AARS2: variants seen among roughly 807,000 people sequenced by gnomAD.
The protein encoded by AARS2 is alanyl-tRNA synthetase 2, mitochondrial.
A neutral mutation model predicts 119.7 loss-of-function variants in AARS2; 78 were observed. The ratio of observed to expected loss-of-function variants is 0.65; its 90% CI spans 0.54 to 0.79. The LOEUF (loss-of-function observed/expected upper bound fraction) is 0.79, where lower values mean the gene tolerates loss of function less well. AARS2 is among the 30% of genes least tolerant of loss of function. The probability of loss-of-function intolerance (pLI) is 0.00; values close to 1 mark genes in which losing one functional copy is unlikely to be tolerated. For synonymous variants in AARS2, 502 were observed against 526.3 expected (o/e 0.95, Z 0.63); for missense variants, 1,157 against 1,291.3 (o/e 0.90, Z 1.59).
At chr6:44,311,653 A>G in intron 2 of AARS2, 118 bp from the exon 3 acceptor site, 1 of 1,256,918 alleles carries the variant, frequency 8.0e-7, no homozygotes, top group Non-Finnish European at 1.1e-6. Flanking sequence ...TTCTGCTGCC[A>G]TCTTGTTCCC....
chr6:44,302,461 CG>C lies in AARS2; in HGVS notation c.2416del (p.Arg806GlyfsTer2). On this transcript the variant is annotated frameshift_variant, in exon 18 of 22. Coordinates refer to ENST00000244571, the MANE Select transcript of AARS2 (RefSeq NM_020745.4). LOFTEE classifies it high-confidence loss of function. ...LAQEVKAATE[R>X]LSLGSRDVAE... ...CACATCCCGGCTCCCCAGACTCAGC[CG>C]CTCAGTGGCCGCTTTCACTTCCTGG... The C allele has an allele frequency of 6.2e-7, 1 of 1,614,148 alleles. No individual in the cohort carries two copies. Among genetic ancestry groups the C allele is most frequent in the Non-Finnish European group, 8.5e-7 (1 of 1,180,028 alleles).
Position 44,304,525 on chromosome 6 carries a change from C to T in AARS2, c.1761G>A (p.Leu587=), listed in dbSNP as rs1785659923. The T allele has an allele frequency of 3.1e-6, 5 of 1,614,156 alleles. No homozygotes were observed. In the South Asian group the frequency reaches 4.4e-5, roughly 14 times the overall value. Residue 587 remains leucine, a synonymous_variant, in exon 13 of 22, where the codon CTG becomes CTA. Transcript: ENST00000244571. Reference sequence around the variant, plus strand: ...AGACCTGGGCCCGGGCTACTGGGAACAGCACGTCCTGAGGGAGGGTAGTGG... The same window carrying T: ...AGACCTGGGCCCGGGCTACTGGGAATAGCACGTCCTGAGGGAGGGTAGTGG... ...YLVRAGQEDV[L]FPVARAQVCG... is the part of the protein sequence containing the mutation.
At chr6:44,304,863 A>C (rs1191299670) in intron 11 of AARS2, 46 bp from the exon 12 acceptor site, 1 of 1,613,038 alleles carries the variant, frequency 6.2e-7, no homozygotes, top group Non-Finnish European at 8.5e-7. Flanking sequence ...GGGGCTGGGG[A>C]CGTGAAGGTG....
intron 1 of AARS2, among the ~76,000 whole-genome samples, chr6:44,312,605 G>T (rs192053357): frequency 6.6e-6 from 1 of 152,218 alleles, no homozygotes; most frequent in East Asian, 1.9e-4. Flanking sequence ...ATAACTTCAG[G>T]GAACAAAACT....
rs961891087 is a variant in AARS2, at chr6:44,299,830, C to G, written c.*717G>C. On this transcript the variant is annotated 3_prime_UTR_variant, in exon 22 of 22. Coordinates refer to ENST00000244571, the MANE Select transcript of AARS2 (RefSeq NM_020745.4). ...GCCCACTGTTGCCTGGCACGCAGAG[C>G]CTGTCCGAACACTCATGGCAATGAA... The G allele has an allele frequency of 2.0e-5, 3 of 152,570 alleles. No homozygotes were observed. The highest frequency in any genetic ancestry group is 7.2e-5 in the African/African-American group (3 of 41,446). The allele number at this position is 152,570 out of a possible 1,614,324, so 9.5% of individuals were successfully genotyped here. A position where few individuals can be genotyped will look rare whatever the true frequency, so the allele number is the denominator to read the frequency against.
chr6:44,303,199 C>T lies in AARS2; in HGVS notation c.2146-24G>A, dbSNP rs325001. 0.54 allele frequency: 870,589 copies of T among 1,613,506 alleles called. 239,559 individuals carry two copies. The highest frequency in any genetic ancestry group is 0.62 in the Admixed American group (37,462 of 59,962). The stretch of plus-strand genomic sequence containing the variant: ...ACCTGAGGTCAAGAGGGGACAGGCC[C>T]GTTAACTGCCAAAGGAGAAGGATAA... On this transcript the variant is annotated intron_variant, in intron 15 of 21. Coordinates refer to ENST00000244571, the MANE Select transcript of AARS2 (RefSeq NM_020745.4).
In AARS2 at chr6:44,305,780, A is replaced by G; in HGVS notation, c.1307T>C (p.Val436Ala). 1 of 1,614,124 alleles carries G rather than the reference A, an allele frequency of 6.2e-7. No homozygotes were observed. Among genetic ancestry groups the G allele is most frequent in the Non-Finnish European group, 8.5e-7 (1 of 1,179,972 alleles). The change falls in exon 10 of 22, where the codon GTG (valine) becomes GCG (alanine). Residue 436 changes from valine (V) to alanine (A), a missense_variant. Physicochemically the swap from Val to Ala is moderately conservative, Grantham distance 64 (BLOSUM62 0). Transcript: ENST00000244571. This position sits in a 1 kb window ranked among gnomAD's most constrained non-coding sequence, Gnocchi z 4.6. ...LGPSDMFPAE[V>A]AWSLSLCGDL... ...TCCACACAGTGACAAGGACCAGGCC[A>G]CTTCAGCTTTGAGAAAGAAAGACAA...
intron 14 of AARS2, 95 bp from the exon 15 acceptor site, chr6:44,303,518 T>C: frequency 6.3e-7 from 1 of 1,579,560 alleles, no homozygotes; most frequent in South Asian, 1.1e-5. Context: ...CACTGAGCTA[T>C]CCCCAGGTTC....
At chr6:44,303,008 C>T in intron 16 of AARS2, 58 bp downstream of exon 16, 1 of 1,608,362 alleles carries the variant, frequency 6.2e-7, no homozygotes, top group Non-Finnish European at 8.5e-7. Flanking sequence ...CTCCAAAGAC[C>T]AAGGGAAGGG....
intron 5 of AARS2, 37 bp downstream of exon 5, chr6:44,310,259 GAGC>G (rs753124465): frequency 2.6e-6 from 4 of 1,561,630 alleles, no homozygotes; most frequent in African/African-American, 2.7e-5. Flanking sequence ...GGGCTGTGAA[GAGC>G]AGGTTAGAGG....
Position 44,311,472 on chromosome 6 carries a change from GC to G in AARS2, c.498del (p.Arg166SerfsTer26). 7.4e-6 allele frequency: 12 copies of G among 1,614,100 alleles called. No homozygotes were observed. The highest frequency in any genetic ancestry group is 1.0e-5 in the Non-Finnish European group (12 of 1,180,038). ...TCACCATCAAAGTAGGAGATCCAGAGCCTTTCCTCAGGGATCCCATAGACCT... is the reference window on the plus strand; with the variant it reads ...TCACCATCAAAGTAGGAGATCCAGAGCTTTCCTCAGGGATCCCATAGACCT... Reference protein sequence around the residue: ...LTQVYGIPEERLWISYFDGDP... With the variant: ...LTQVYGIPEEXLWISYFDGDP... On this transcript the variant is annotated frameshift_variant, in exon 3 of 22. Transcript: ENST00000244571. LOFTEE classifies it high-confidence loss of function.
At chr6:44,304,156 G>A in intron 14 of AARS2, 25 bp downstream of exon 14, 1 of 1,612,258 alleles carries the variant, frequency 6.2e-7, no homozygotes, top group Non-Finnish European at 8.5e-7. Flanking sequence ...CTCACATGAA[G>A]CCTGTCTTTC....
rs370586197 is a variant in AARS2, at chr6:44,301,231, C to G, written c.2718G>C (p.Gln906His). Residue 906 changes from glutamine (Q) to histidine (H), a missense_variant, in exon 21 of 22, where the codon CAG becomes CAC. By Grantham distance (24) the Gln-to-His change is conservative. Transcript: ENST00000244571. ...LVKVVRQLCEQAPSTSVLLLS... is the reference protein window; with the variant it reads ...LVKVVRQLCEHAPSTSVLLLS... ...GTAGGAGCACAGACGTGCTGGGGGCCTGCTCACACAGCTGCCGTACCACCT... is the reference window on the plus strand; with the variant it reads ...GTAGGAGCACAGACGTGCTGGGGGCGTGCTCACACAGCTGCCGTACCACCT... 7.4e-6 allele frequency: 12 copies of G among 1,613,732 alleles called. No individual in the cohort carries two copies. The African/African-American group carries it at 1.1e-4, about 14-fold the overall frequency.
chr6:44,305,524 C>G lies in AARS2; in HGVS notation c.1434+129G>C. 6.9e-7 allele frequency: 1 copy of G among 1,452,774 alleles called. No homozygotes were observed. The highest frequency in any genetic ancestry group is 1.2e-5 in the South Asian group (1 of 82,998). 90.0% of individuals were successfully genotyped at this position (1,452,774 alleles called of 1,614,324 possible). A position where few individuals can be genotyped will look rare whatever the true frequency, so the allele number is the denominator to read the frequency against. On this transcript the variant is annotated intron_variant, in intron 10 of 21. Transcript: ENST00000244571. The surrounding 1 kb of genome is among the most constrained non-coding windows in gnomAD (Gnocchi z 4.6). ...TGTGGCCTGAGGTTTTAGAAACCTC[C>G]CAGGTGAGGGGACAGATCCTATCTC...
rs775664448 is a variant in AARS2 at position 44,305,083 on chromosome 6, T to C, written c.1550A>G (p.Asn517Ser). Reference sequence around the variant, plus strand: ...ACTTCCGCTGGGTCGCAGGGAGTAGTTGTACTTGGGGCTGTCGTCAGTTGG... The same window carrying C: ...ACTTCCGCTGGGTCGCAGGGAGTAGCTGTACTTGGGGCTGTCGTCAGTTGG... ...VPPTDDSPKYNYSLRPSGSYE... is the reference protein window; with the variant it reads ...VPPTDDSPKYSYSLRPSGSYE... The change falls in exon 11 of 22, where the codon AAC becomes AGC. Residue 517 changes from asparagine (N) to serine (S), a missense_variant. By Grantham distance (46) the Asn-to-Ser change is conservative. Transcript: ENST00000244571. This position sits in a 1 kb window ranked among gnomAD's most constrained non-coding sequence, Gnocchi z 4.6. The C allele has an allele frequency of 1.2e-6, 2 of 1,614,008 alleles. No homozygotes were observed. Among genetic ancestry groups the C allele is most frequent in the African/African-American group, 1.3e-5 (1 of 74,942 alleles).
chr6:44,301,069 T>TTGTC lies in AARS2; in HGVS notation c.2793+86_2793+87insGACA, dbSNP rs10627820. 0.95 allele frequency: 1,171,170 copies of TTGTC among 1,230,110 alleles called. 560,699 individuals carry two copies. Among genetic ancestry groups the TTGTC allele is most frequent in the East Asian group, 1 (42,571 of 42,618 alleles). The allele number at this position is 1,230,110 out of a possible 1,614,324, so 76.2% of individuals were successfully genotyped here. A position where few individuals can be genotyped will look rare whatever the true frequency, so the allele number is the denominator to read the frequency against. ...ATACTTCCACCCAGCCTTGGCCCCT[T>TTGTC]TGGGAGGAATTAAAGGTGTAAAATC... On this transcript the variant is annotated intron_variant, in intron 21 of 21. Coordinates refer to ENST00000244571, the MANE Select transcript of AARS2 (RefSeq NM_020745.4).
chr6:44,304,963 A>C (rs1335125677), intron 11 of AARS2, 91 bp downstream of exon 11: 4 of 1,608,500 alleles, frequency 2.5e-6, no homozygotes, highest in Non-Finnish European at 3.4e-6. Flanking sequence ...ATCCTGGGGA[A>C]TACATAGGGG....
rs545271808 is a variant in AARS2 at position 44,307,820 on chromosome 6, C to G, written c.895-426G>C. Among the ~76,000 whole-genome samples, 1 of 152,258 alleles carries G rather than the reference C, an allele frequency of 6.6e-6. No individual in the cohort carries two copies. The highest frequency in any genetic ancestry group is 1.9e-4 in the East Asian group (1 of 5,176). On this transcript the variant is annotated intron_variant, in intron 5 of 21. Transcript: ENST00000244571. The surrounding 1 kb of genome is among the most constrained non-coding windows in gnomAD (Gnocchi z 4.4). ...CCGGGCCTGTTGGACTCCAGGTGCTCTCCACTACCTGTTCTTGCCTCTCCC... is the reference window on the plus strand; with the variant it reads ...CCGGGCCTGTTGGACTCCAGGTGCTGTCCACTACCTGTTCTTGCCTCTCCC...
In AARS2 at chr6:44,303,070, C is replaced by T. The variant is rs1328048253; in HGVS notation, c.2251G>A (p.Gly751Arg). Residue 751 changes from glycine to arginine, a missense_variant, in exon 16 of 22, where the codon GGG becomes AGG. By Grantham distance (125) the Gly-to-Arg change is moderately radical. Coordinates refer to ENST00000244571, the MANE Select transcript of AARS2 (RefSeq NM_020745.4). The part of the protein sequence containing the change: ...ALQTSVELCC[G>R]THLLRTGAVG... ...CAGCACAAAGGAGTGACTCACGTCC[C>T]ACAGCATAGCTCCACAGAGGTCTGC... 1.2e-6 allele frequency: 2 copies of T among 1,614,070 alleles called. No individual in the cohort carries two copies. The highest frequency in any genetic ancestry group is 8.5e-7 in the Non-Finnish European group (1 of 1,180,044).
Sources: gnomAD v4.1 joint callset for allele counts (sites outside exome capture counted in the v4.1 genomes callset) on GRCh38, gnomAD v4.1.1 for gene constraint, Gnocchi (gnomAD v3.1) non-coding constraint, MANE v1.5 for transcripts, NCBI Gene and HGNC (gene_info 2026-07-23, HGNC 2026-07-21) for gene names.